Variants in ASB18 observed in about 807,000 individuals in gnomAD.
ASB18 encodes the protein ankyrin repeat and SOCS box containing 18, also known as ankyrin repeat and SOCS box protein 18.
ASB18 carries 33 observed loss-of-function variants against 33.4 expected under a neutral mutation model. That is an observed-to-expected ratio of 0.99 (90% CI 0.75 to 1.32). The LOEUF is 1.32. Ranked by LOEUF, ASB18 falls within the 40% of genes most tolerant of loss-of-function variation. The pLI is 0.00. For synonymous variants in ASB18, 295 were observed against 307.6 expected (o/e 0.96, Z 0.43); for missense variants, 694 against 655.5 (o/e 1.06, Z -0.64).
Position 236,214,485 on chromosome 2 carries a change from C to A in ASB18, c.978G>T (p.Gly326=). The part of the protein sequence containing the change: ...GADAGALDYG[G]ASPLGRVLQT... Reference sequence around the variant, plus strand: ...GGAGCACGCGGCCCAGCGGCGAGGCCCCGCCATAGTCGAGCGCGCCCGCGT... The same window carrying A: ...GGAGCACGCGGCCCAGCGGCGAGGCACCGCCATAGTCGAGCGCGCCCGCGT... The change falls in exon 4 of 6, where the codon GGG becomes GGT. Residue 326 remains glycine, a synonymous_variant. Transcript: ENST00000409749. The surrounding 1 kb of genome is among the most constrained non-coding windows in gnomAD (Gnocchi z 6.5). 6.6e-7 allele frequency: 1 copy of A among 1,512,602 alleles called. No individual in the cohort carries two copies. Among genetic ancestry groups the A allele is most frequent in the East Asian group, 2.6e-5 (1 of 37,888 alleles). The allele number at this position is 1,512,602 out of a possible 1,614,324, so 93.7% of individuals were successfully genotyped here.
Position 236,214,855 on chromosome 2 carries a change from G to A in ASB18, c.608C>T (p.Ala203Val), listed in dbSNP as rs1334033743. The change falls in exon 4 of 6, where the codon GCG becomes GTG. Residue 203 changes from alanine to valine, a missense_variant. Physicochemically the swap from Ala to Val is moderately conservative, Grantham distance 64. Coordinates refer to ENST00000409749, the MANE Select transcript of ASB18 (RefSeq NM_212556.4). The surrounding 1 kb of genome is among the most constrained non-coding windows in gnomAD (Gnocchi z 6.5). The stretch of plus-strand genomic sequence containing the variant: ...CACCGAGGCCCCGTGCTCCAGCAGC[G>A]CCTGCGCGCACCTGTGGGAAGCCAG... ...RTAASLGCAQALLEHGASVQR... is the reference protein window; with the variant it reads ...RTAASLGCAQVLLEHGASVQR... 1.2e-5 allele frequency: 15 copies of A among 1,210,850 alleles called. No individual in the cohort carries two copies. The highest frequency in any genetic ancestry group is 1.6e-5 in the African/African-American group (1 of 63,346). 75.0% of individuals were successfully genotyped at this position (1,210,850 alleles called of 1,614,324 possible). A position where few individuals can be genotyped will look rare whatever the true frequency, so the allele number is the denominator to read the frequency against.
rs1264749108 is a variant in ASB18, at chr2:236,200,630, C to T, written c.1102-4245G>A. Among the ~76,000 whole-genome samples the T allele has an allele frequency of 3.9e-5, 6 of 152,164 alleles. No individual in the cohort carries two copies. The highest frequency in any genetic ancestry group is 1.4e-4 in the African/African-American group (6 of 41,438). ...CACTCTCCTTTCCTCCCTCCTGCTG[C>T]CGGGACACCCCACTGGCTATACCCA... On this transcript the variant is annotated intron_variant, in intron 4 of 5. Transcript: ENST00000409749. The surrounding 1 kb of genome is among the most constrained non-coding windows in gnomAD (Gnocchi z 4.2).
rs139702324 is a variant in ASB18, at chr2:236,263,961, G to A, written c.205+180C>T. On this transcript the variant is annotated intron_variant, in intron 1 of 5. Transcript: ENST00000409749. This position sits in a 1 kb window ranked among gnomAD's most constrained non-coding sequence, Gnocchi z 4.0. The stretch of plus-strand genomic sequence containing the variant: ...TTGTGTTGCACTTGTTGCTTATGTC[G>A]CACACGCATGTACATGGTCTATGCA... Among the ~76,000 whole-genome samples the A allele has an allele frequency of 1.4e-3, 220 of 152,242 alleles. 1 individual carries two copies. Among genetic ancestry groups the A allele is most frequent in the African/African-American group, 4.8e-3 (199 of 41,534 alleles).
In ASB18 at chr2:236,215,774, C is replaced by T. The variant is rs1053333271; in HGVS notation, c.597-908G>A. Among the ~76,000 whole-genome samples the T allele has an allele frequency of 1.3e-5, 2 of 152,092 alleles. No homozygotes were observed. The highest frequency in any genetic ancestry group is 6.5e-5 in the Admixed American group (1 of 15,272). ...CGCTGGTCCTTGTCCTTCATGGACA[C>T]GGAAAAACACAAGCCCACCCCCAAC... On this transcript the variant is annotated intron_variant, in intron 3 of 5. Coordinates refer to ENST00000409749, the MANE Select transcript of ASB18 (RefSeq NM_212556.4). This position sits in a 1 kb window ranked among gnomAD's most constrained non-coding sequence, Gnocchi z 7.2.
rs569417771 is a variant in ASB18 at position 236,228,481 on chromosome 2, A to G, written c.596+9208T>C. On this transcript the variant is annotated intron_variant, in intron 3 of 5. Coordinates refer to ENST00000409749, the MANE Select transcript of ASB18 (RefSeq NM_212556.4). The surrounding 1 kb of genome is among the most constrained non-coding windows in gnomAD (Gnocchi z 5.1). ...AGGGCCCCCTTGATTATTCAGCTCA[A>G]TACCAATTAGTGTGTGGGCATGAGG... Among the ~76,000 whole-genome samples the G allele has an allele frequency of 6.6e-6, 1 of 152,340 alleles. No homozygotes were observed. The highest frequency in any genetic ancestry group is 2.4e-5 in the African/African-American group (1 of 41,574).
rs570446379 is a variant in ASB18, at chr2:236,195,408, T to C, written c.1216-351A>G. 6.6e-6 allele frequency among the ~76,000 whole-genome samples: 1 copy of C among 152,234 alleles called. No homozygotes were observed. The highest frequency in any genetic ancestry group is 6.5e-5 in the Admixed American group (1 of 15,284). On this transcript the variant is annotated intron_variant, in intron 5 of 5. Coordinates refer to ENST00000409749, the MANE Select transcript of ASB18 (RefSeq NM_212556.4). This position sits in a 1 kb window ranked among gnomAD's most constrained non-coding sequence, Gnocchi z 5.5. ...CCCAAGTCATGACCAGCTCTTCCCT[T>C]CTGCCAGGGAGGGGCTCAGGAGCGA...
rs1439050263 is a variant in ASB18 at position 236,252,609 on chromosome 2, A to G, written c.206-11207T>C. ...TATACCCTATGTTCTGGCCTGAGCA[A>G]GAGGCAGGTGTCACTAGCCACCATG... On this transcript the variant is annotated intron_variant, in intron 1 of 5. Coordinates refer to ENST00000409749, the MANE Select transcript of ASB18 (RefSeq NM_212556.4). The surrounding 1 kb of genome is among the most constrained non-coding windows in gnomAD (Gnocchi z 7.9). 1.3e-5 allele frequency among the ~76,000 whole-genome samples: 2 copies of G among 152,132 alleles called. No homozygotes were observed. Among genetic ancestry groups the G allele is most frequent in the Non-Finnish European group, 2.9e-5 (2 of 68,022 alleles).
chr2:236,214,610 C>T lies in ASB18; in HGVS notation c.853G>A (p.Glu285Lys), dbSNP rs1003961132. ...LCALLLRRGA[E>K]ADARDEDERS... ...TCGTCCTCGTCGCGCGCGTCCGCCT[C>T]CGCCCCGCGCCGCAGCAGCAGCGCG... Residue 285 changes from glutamate to lysine, a missense_variant, in exon 4 of 6, where the codon GAG (glutamate) becomes AAG (lysine). Glu to Lys is a moderately conservative substitution (Grantham distance 56). Transcript: ENST00000409749. The surrounding 1 kb of genome is among the most constrained non-coding windows in gnomAD (Gnocchi z 6.5). The T allele has an allele frequency of 2.5e-6, 3 of 1,213,650 alleles. No homozygotes were observed. Among genetic ancestry groups the T allele is most frequent in the African/African-American group, 1.6e-5 (1 of 62,222 alleles). 75.2% of individuals were successfully genotyped at this position (1,213,650 alleles called of 1,614,324 possible). A position where few individuals can be genotyped will look rare whatever the true frequency, so the allele number is the denominator to read the frequency against.
rs925399724 is a variant in ASB18, at chr2:236,260,311, C to T, written c.205+3830G>A. The stretch of plus-strand genomic sequence containing the variant: ...TCAGGTGGGCATCACCAGCTCTGCC[C>T]CCTCTCTTGGCCCAGCCCTGTTTTC... On this transcript the variant is annotated intron_variant, in intron 1 of 5. Coordinates refer to ENST00000409749, the MANE Select transcript of ASB18 (RefSeq NM_212556.4). The surrounding 1 kb of genome is among the most constrained non-coding windows in gnomAD (Gnocchi z 5.1). Among the ~76,000 whole-genome samples, 1 of 152,182 alleles carries T rather than the reference C, an allele frequency of 6.6e-6. No homozygotes were observed. The highest frequency in any genetic ancestry group is 1.5e-5 in the Non-Finnish European group (1 of 68,028).
rs1423201965 is a variant in ASB18 at position 236,252,269 on chromosome 2, A to T, written c.206-10867T>A. Among the ~76,000 whole-genome samples the T allele has an allele frequency of 2.4e-5, 2 of 84,544 alleles. No homozygotes were observed. The highest frequency in any genetic ancestry group is 2.3e-4 in the East Asian group (1 of 4,298). The allele number at this position is 84,544 out of a possible 152,430, so 55.5% of individuals were successfully genotyped here. ...CTTGGCAACAGAGTGAGACTCCGTC[A>T]CACACACACACACACACACACACAC... On this transcript the variant is annotated intron_variant, in intron 1 of 5. Coordinates refer to ENST00000409749, the MANE Select transcript of ASB18 (RefSeq NM_212556.4). The surrounding 1 kb of genome is among the most constrained non-coding windows in gnomAD (Gnocchi z 7.9).
rs762929132 is a variant in ASB18, at chr2:236,241,387, A to G, written c.221T>C (p.Leu74Pro). Residue 74 changes from leucine to proline, a missense_variant, in exon 2 of 6, where the codon CTG (leucine) becomes CCG (proline). Coordinates refer to ENST00000409749, the MANE Select transcript of ASB18 (RefSeq NM_212556.4). This position sits in a 1 kb window ranked among gnomAD's most constrained non-coding sequence, Gnocchi z 4.2. ...GAAGAACTGGTCCATGAGGGGCTTC[A>G]GATGGTCGAGGTCCCCTGCGACCAG... ...TGMLLGDLDH[L>P]KPLMDQFFQD... The G allele has an allele frequency of 6.2e-7, 1 of 1,614,016 alleles. No individual in the cohort carries two copies. Among genetic ancestry groups the G allele is most frequent in the South Asian group, 1.1e-5 (1 of 91,088 alleles).
At position 236,264,186 on chromosome 2, in the gene ASB18, A is replaced by G. The variant is rs2060735159; in HGVS notation, c.160T>C (p.Trp54Arg). 2 of 1,613,804 alleles carry G rather than the reference A, an allele frequency of 1.2e-6. No individual in the cohort carries two copies. Among genetic ancestry groups the G allele is most frequent in the East Asian group, 2.2e-5 (1 of 44,878 alleles). The change falls in exon 1 of 6, where the codon TGG becomes CGG. Residue 54 changes from tryptophan (W) to arginine (R), a missense_variant. Coordinates refer to ENST00000409749, the MANE Select transcript of ASB18 (RefSeq NM_212556.4). This position sits in a 1 kb window ranked among gnomAD's most constrained non-coding sequence, Gnocchi z 5.1. ...DAVIELANDD[W>R]MKDPSAQLPT... ...AGCTGAGCCGAGGGGTCTTTCATCCAGTCGTCATTGGCCAGTTCTATCACA... is the reference window on the plus strand; with the variant it reads ...AGCTGAGCCGAGGGGTCTTTCATCCGGTCGTCATTGGCCAGTTCTATCACA...
intron 4 of ASB18, among the ~76,000 whole-genome samples, chr2:236,197,080 C>T (rs1302068572): frequency 6.7e-6 from 1 of 149,544 alleles, no homozygotes; most frequent in African/African-American, 2.5e-5. Flanking sequence ...CCGCCCCCCC[C>T]ATCAACCCAT....
chr2:236,199,559 G>A (rs1350989372), intron 4 of ASB18, among the ~76,000 whole-genome samples: 1 of 149,636 alleles, frequency 6.7e-6, no homozygotes, highest in East Asian at 1.9e-4. Flanking sequence ...ATCAGAGAGG[G>A]ATATATATGC....
Position 236,203,582 on chromosome 2 carries a change from A to T in ASB18, c.1102-7197T>A, listed in dbSNP as rs376685995. On this transcript the variant is annotated intron_variant, in intron 4 of 5. Transcript: ENST00000409749. The surrounding 1 kb of genome is among the most constrained non-coding windows in gnomAD (Gnocchi z 6.0). The stretch of plus-strand genomic sequence containing the variant: ...TGATTTTAATTTTAGAAATATCACC[A>T]AGGCTGGGTGTGGTGGCTCATGCCT... 5.3e-5 allele frequency among the ~76,000 whole-genome samples: 8 copies of T among 152,138 alleles called. No individual in the cohort carries two copies. The highest frequency in any genetic ancestry group is 1.9e-4 in the African/African-American group (8 of 41,416).
Position 236,231,250 on chromosome 2 carries a change from A to G in ASB18, c.596+6439T>C, listed in dbSNP as rs1334668440. 1.3e-5 allele frequency among the ~76,000 whole-genome samples: 2 copies of G among 152,224 alleles called. No individual in the cohort carries two copies. Among genetic ancestry groups the G allele is most frequent in the East Asian group, 3.9e-4 (2 of 5,194 alleles). On this transcript the variant is annotated intron_variant, in intron 3 of 5. Coordinates refer to ENST00000409749, the MANE Select transcript of ASB18 (RefSeq NM_212556.4). The surrounding 1 kb of genome is among the most constrained non-coding windows in gnomAD (Gnocchi z 5.5). ...TCAGCTTGCATACTTTGATGAAACA[A>G]GTTTCATGTTAGAGAGGTCCACATG...
rs1381388856 is a variant in ASB18, at chr2:236,223,663, A to G, written c.597-8797T>C. ...CTCAATGAAGACATAGAATATTTCC[A>G]TTTTGCCAGGAATTTCTCCTGTGTT... On this transcript the variant is annotated intron_variant, in intron 3 of 5. Transcript: ENST00000409749. The surrounding 1 kb of genome is among the most constrained non-coding windows in gnomAD (Gnocchi z 4.6). 6.6e-6 allele frequency among the ~76,000 whole-genome samples: 1 copy of G among 152,184 alleles called. No individual in the cohort carries two copies. Among genetic ancestry groups the G allele is most frequent in the East Asian group, 1.9e-4 (1 of 5,196 alleles).
chr2:236,194,973 T>G lies in ASB18; in HGVS notation c.1300A>C (p.Arg434=). Reference sequence around the variant, plus strand: ...TCAAAGCACCTTTTGCCAAACAGTCTGCGAAGAGCACAGCGGCAAAGATGC... The same window carrying G: ...TCAAAGCACCTTTTGCCAAACAGTCGGCGAAGAGCACAGCGGCAAAGATGC... ...LQHLCRCALR[R]LFGKRCFDLI... The change falls in exon 6 of 6, where the codon AGA becomes CGA. Residue 434 remains arginine (R), a synonymous_variant. Transcript: ENST00000409749. This position sits in a 1 kb window ranked among gnomAD's most constrained non-coding sequence, Gnocchi z 4.5. 2.5e-6 allele frequency: 4 copies of G among 1,613,936 alleles called. No individual in the cohort carries two copies. Among genetic ancestry groups the G allele is most frequent in the Non-Finnish European group, 3.4e-6 (4 of 1,179,874 alleles).
chr2:236,218,536 C>T (rs113499026), intron 3 of ASB18, among the ~76,000 whole-genome samples: 6,682 of 152,216 alleles, frequency 0.044, 279 homozygotes, highest in African/African-American at 0.11. Context: ...TGGTGGTTCA[C>T]GCCTGTAATT....
Sources: gnomAD v4.1 joint callset for allele counts (sites outside exome capture counted in the v4.1 genomes callset) on GRCh38, gnomAD v4.1.1 for gene constraint, Gnocchi (gnomAD v3.1) non-coding constraint, MANE v1.5 for transcripts, NCBI Gene and HGNC (gene_info 2026-07-23, HGNC 2026-07-21) for gene names.